RBFOX1: variants seen among roughly 807,000 people sequenced by gnomAD.
RBFOX1 encodes RNA binding protein fox-1 homolog 1.
Under a neutral mutation model 57.7 loss-of-function variants are expected in RBFOX1, and 8 were observed. That is an observed-to-expected ratio of 0.14 (90% CI 0.08 to 0.25). The LOEUF (loss-of-function observed/expected upper bound fraction) is 0.25. Ranked by LOEUF, RBFOX1 falls within the 10% of genes least tolerant of loss-of-function variation. The pLI is 1.00. For missense variants in RBFOX1, 611 were observed against 548.5 expected, an observed-to-expected ratio of 1.11 and a Z score of -1.14; for synonymous variants, 326 against 222.4, an observed-to-expected ratio of 1.47 and a Z score of -4.15.
intron 4 of RBFOX1, among the ~76,000 whole-genome samples, chr16:5,963,977 G>A (rs1358592319): frequency 6.6e-6 from 1 of 152,102 alleles, no homozygotes; most frequent in Non-Finnish European, 1.5e-5. Context: ...CTATGAAATG[G>A]GAGAAAATAT....
At chr16:5,986,060 T>A (rs1209432579) in intron 4 of RBFOX1, among the ~76,000 whole-genome samples, 1 of 18,334 alleles carries the variant, frequency 5.5e-5, no homozygotes, top group African/African-American at 1.1e-3. Flanking sequence ...TTTTCTTTAC[T>A]TTTTTTTTTT....
intron 10 of RBFOX1, among the ~76,000 whole-genome samples, chr16:7,626,799 G>C (rs2060141064): frequency 2.6e-5 from 4 of 152,210 alleles, no homozygotes. Context: ...TTAGCAAAGA[G>C]GGTAGAAGTG....
At chr16:5,748,211 C>G (rs948717525) in intron 3 of RBFOX1, among the ~76,000 whole-genome samples, 6 of 152,038 alleles carry the variant, frequency 3.9e-5, no homozygotes, top group Non-Finnish European at 5.9e-5. Flanking sequence ...ATCCTGAGTT[C>G]TAGTTTGATT....
rs556160853 is a variant in RBFOX1, at chr16:5,872,497, A to C, written c.351+5162A>C. ...TGTAGTCCTAGCATTTTGGAGGGCC[A>C]AGGCAGGAAGATCACTTGAGCCCAG... is the stretch of plus-strand genomic sequence containing the variant. On this transcript the variant is annotated intron_variant, in intron 4 of 19. Coordinates refer to the RBFOX1 transcript ENST00000641259. 7.9e-5 allele frequency among the ~76,000 whole-genome samples: 12 copies of C among 152,178 alleles called. No homozygotes were observed. In the South Asian group the frequency reaches 2.5e-3, roughly 32 times the overall value.
chr16:7,153,266 C>T (rs2076434897), intron 4 of RBFOX1, among the ~76,000 whole-genome samples: 1 of 152,100 alleles, frequency 6.6e-6, no homozygotes, highest in African/African-American at 2.4e-5. Flanking sequence ...TACCTGGAGG[C>T]ATGGGTCAGA....
At chr16:5,643,784 A>G (rs2048957772) in intron 3 of RBFOX1, among the ~76,000 whole-genome samples, 1 of 152,156 alleles carries the variant, frequency 6.6e-6, no homozygotes, top group Admixed American at 6.5e-5. Flanking sequence ...GAAACTTTCC[A>G]TCCACTACTG....
At chr16:5,727,897 A>C (rs1355660340) in intron 3 of RBFOX1, among the ~76,000 whole-genome samples, 1 of 152,112 alleles carries the variant, frequency 6.6e-6, no homozygotes, top group African/African-American at 2.4e-5. Flanking sequence ...TGTTGCCTAC[A>C]CTGGGCCTTC....
At chr16:7,091,696 G>A (rs2060884437) in intron 4 of RBFOX1, among the ~76,000 whole-genome samples, 1 of 152,036 alleles carries the variant, frequency 6.6e-6, no homozygotes, top group South Asian at 2.1e-4. Context: ...GCTTATCTCT[G>A]CTCTTTCACC....
chr16:7,702,175 T>C (rs537334967), intron 14 of RBFOX1, among the ~76,000 whole-genome samples: 1 of 152,296 alleles, frequency 6.6e-6, no homozygotes, highest in East Asian at 1.9e-4. Flanking sequence ...GATTTGAAAA[T>C]GGAGATTTTG....
At chr16:5,474,311 G>C (rs1247700907) in intron 2 of RBFOX1, among the ~76,000 whole-genome samples, 2 of 152,186 alleles carry the variant, frequency 1.3e-5, no homozygotes, top group African/African-American at 2.4e-5. Flanking sequence ...AGAACCTACT[G>C]AGGGGACTTC....
intron 2 of RBFOX1, among the ~76,000 whole-genome samples, chr16:5,502,622 G>A (rs530137625): frequency 3.3e-5 from 5 of 152,298 alleles, no homozygotes; most frequent in Admixed American, 2.6e-4. Context: ...GGTCCAAGGC[G>A]CCTCCAGCCT....
At chr16:5,912,196 G>A (rs1326534405) in intron 4 of RBFOX1, among the ~76,000 whole-genome samples, 1 of 152,106 alleles carries the variant, frequency 6.6e-6, no homozygotes, top group African/African-American at 2.4e-5. Flanking sequence ...CTGAGCCTCA[G>A]TTTTTTCATC....
chr16:5,745,723 G>A (rs867934551), intron 3 of RBFOX1, among the ~76,000 whole-genome samples: 8 of 152,128 alleles, frequency 5.3e-5, no homozygotes, highest in Admixed American at 2.0e-4. Flanking sequence ...TGTGTCTTTT[G>A]GCTGCATAAA....
At chr16:6,654,204 T>C (rs928675407) in intron 2 of RBFOX1, among the ~76,000 whole-genome samples, 1 of 152,166 alleles carries the variant, frequency 6.6e-6, no homozygotes, top group African/African-American at 2.4e-5. Context: ...TAGATCCTGA[T>C]AATTTGTGTT....
chr16:5,331,655 A>G (rs1210251022), intron 1 of RBFOX1, among the ~76,000 whole-genome samples: 1 of 152,262 alleles, frequency 6.6e-6, no homozygotes, highest in Non-Finnish European at 1.5e-5. Context: ...AATAGGGTTC[A>G]TCTCTTTACT....
At chr16:6,935,198 C>T (rs1013278463) in intron 3 of RBFOX1, among the ~76,000 whole-genome samples, 1 of 152,146 alleles carries the variant, frequency 6.6e-6, no homozygotes, top group Non-Finnish European at 1.5e-5. Context: ...GATAATAATA[C>T]ATAGCTCAGA....
chr16:6,256,187 G>T (rs1475101989), intron 1 of RBFOX1, among the ~76,000 whole-genome samples: 1 of 9,730 alleles, frequency 1.0e-4, no homozygotes, highest in Non-Finnish European at 1.3e-3. Context: ...ATATATATAC[G>T]TATATATATG....
At chr16:7,154,996 G>T (rs1056333131) in intron 4 of RBFOX1, among the ~76,000 whole-genome samples, 2 of 151,918 alleles carry the variant, frequency 1.3e-5, no homozygotes, top group African/African-American at 4.8e-5. Context: ...CTTGAATTAG[G>T]TAGATTCTGT....
At chr16:7,459,651 G>A (rs192118362) in intron 4 of RBFOX1, among the ~76,000 whole-genome samples, 2 of 152,278 alleles carry the variant, frequency 1.3e-5, no homozygotes, top group African/African-American at 4.8e-5. Context: ...TGCTGTGTCT[G>A]TAAATCACAG....
Sources: allele counts gnomAD v4.1 joint callset (sites outside exome capture counted in the v4.1 genomes callset), GRCh38; gene constraint gnomAD v4.1.1; transcripts MANE v1.5; gene names NCBI Gene and HGNC (gene_info 2026-07-23, HGNC 2026-07-21).